The following USP3 variants were observed in gnomAD, a reference collection of about 807,000 sequenced individuals.
USP3 encodes ubiquitin specific peptidase 3.
USP3 carries 20 observed loss-of-function variants against 72.3 expected under a neutral mutation model. The ratio of observed to expected loss-of-function variants is 0.28; its 90% CI spans 0.19 to 0.40. The LOEUF (loss-of-function observed/expected upper bound fraction) is 0.40, where lower values mean the gene tolerates loss of function less well. USP3 is among the 10% of genes least tolerant of loss of function. The probability of loss-of-function intolerance (pLI) is 1.00; values close to 1 mark genes in which losing one functional copy is unlikely to be tolerated. For synonymous variants in USP3, 222 were observed against 225.3 expected, an observed-to-expected ratio of 0.99 and a Z score of 0.13; for missense variants, 479 against 633.9, an observed-to-expected ratio of 0.76 and a Z score of 2.62.
At chr15:63,535,454 G>A (rs1030523529) in intron 2 of USP3, among the ~76,000 whole-genome samples, 3 of 152,148 alleles carry the variant, frequency 2.0e-5, no homozygotes, top group African/African-American at 4.8e-5. Context: ...GTACTATTAC[G>A]TCCATTTTAC....
At chr15:63,583,362 AGCTACTGGGGAGGATT>A (rs1214792451) in intron 11 of USP3, among the ~76,000 whole-genome samples, 1 of 152,166 alleles carries the variant, frequency 6.6e-6, no homozygotes, top group Non-Finnish European at 1.5e-5. Flanking sequence ...CTGTAATCTC[AGCTACTGGGGAGGATT>A]GCTTGAGCCC....
intron 4 of USP3, 92 bp from the exon 5 acceptor site, chr15:63,556,575 A>G (rs1304126874): frequency 5.4e-6 from 5 of 923,300 alleles, no homozygotes; most frequent in Non-Finnish European, 8.0e-6. Flanking sequence ...TCCATGCCCT[A>G]GGTGTTGAGG....
chr15:63,560,126 T>G (rs552710795), intron 7 of USP3, among the ~76,000 whole-genome samples, 156 bp downstream of exon 7: 3 of 152,264 alleles, frequency 2.0e-5, no homozygotes, highest in African/African-American at 7.2e-5. Flanking sequence ...TCTTAATAAT[T>G]GTTGGAATTC....
At chr15:63,582,698 A>G (rs1367917528) in intron 11 of USP3, among the ~76,000 whole-genome samples, 1 of 152,144 alleles carries the variant, frequency 6.6e-6, no homozygotes, top group African/African-American at 2.4e-5. Context: ...GGAGGAAGAA[A>G]ATGTTGGAAA....
chr15:63,575,886 C>T (rs2066854793), intron 11 of USP3, among the ~76,000 whole-genome samples: 1 of 151,936 alleles, frequency 6.6e-6, no homozygotes, highest in African/African-American at 2.4e-5. Flanking sequence ...TAGCCTCAAA[C>T]TGTATCATTT....
intron 3 of USP3, among the ~76,000 whole-genome samples, chr15:63,547,717 C>T (rs972095983): frequency 2.0e-5 from 2 of 102,016 alleles, no homozygotes; most frequent in African/African-American, 7.6e-5. Flanking sequence ...AAGACCCTGT[C>T]TCAATAGAGA....
chr15:63,560,227 T>C (rs1595748783), intron 7 of USP3, among the ~76,000 whole-genome samples: 1 of 151,904 alleles, frequency 6.6e-6, no homozygotes, highest in Non-Finnish European at 1.5e-5. Context: ...ACCAGCCTGG[T>C]CAACATGGTG....
At chr15:63,512,402 CTTCTTCT>C (rs372627460) in intron 1 of USP3, among the ~76,000 whole-genome samples, 1,639 of 147,768 alleles carry the variant, frequency 0.011, 31 homozygotes, top group African/African-American at 0.039. Flanking sequence ...TTTCTTCCTT[CTTCTTCT>C]TTCTTCTTTC....
chr15:63,532,805 T>G, intron 2 of USP3, 98 bp downstream of exon 2: 1 of 1,303,968 alleles, frequency 7.7e-7, no homozygotes. Context: ...TTAGTACCAT[T>G]GTTAATCATA....
In USP3 at chr15:63,574,901, G is replaced by A. The variant is rs1566914203; in HGVS notation, c.1096+498G>A. ...GATTTGAACATATTTTTTGCTTGATGAGTACTAGCTACTGTAATCAAGGCA... is the reference window on the plus strand; with the variant it reads ...GATTTGAACATATTTTTTGCTTGATAAGTACTAGCTACTGTAATCAAGGCA... On this transcript the variant is annotated intron_variant, in intron 11 of 14. Coordinates refer to ENST00000380324, the MANE Select transcript of USP3 (RefSeq NM_006537.4). The surrounding 1 kb of genome is among the most constrained non-coding windows in gnomAD (Gnocchi z 4.6). Among the ~76,000 whole-genome samples, 1 of 152,156 alleles carries A rather than the reference G, an allele frequency of 6.6e-6. No individual in the cohort carries two copies. Among genetic ancestry groups the A allele is most frequent in the African/African-American group, 2.4e-5 (1 of 41,442 alleles).
intron 11 of USP3, among the ~76,000 whole-genome samples, chr15:63,580,999 G>T (rs1205470523): frequency 6.6e-6 from 1 of 151,956 alleles, no homozygotes; most frequent in African/African-American, 2.4e-5. Context: ...TAGAGATGGG[G>T]TTCACCATGT....
At chr15:63,523,039 T>G (rs2065939276) in intron 1 of USP3, among the ~76,000 whole-genome samples, 1 of 152,232 alleles carries the variant, frequency 6.6e-6, no homozygotes. Flanking sequence ...AAATGCATTT[T>G]TCCTGAAGTA....
rs1158532549 is a variant in USP3, at chr15:63,553,003, T to C, written c.285-712T>C. ...AAATGCTAATGTGAACAAGTTAAAGTTTATATTATGTGTGATTTCTTACAT... is the reference window on the plus strand; with the variant it reads ...AAATGCTAATGTGAACAAGTTAAAGCTTATATTATGTGTGATTTCTTACAT... On this transcript the variant is annotated intron_variant, in intron 3 of 14. Transcript: ENST00000380324. This position sits in a 1 kb window ranked among gnomAD's most constrained non-coding sequence, Gnocchi z 4.2. Among the ~76,000 whole-genome samples the C allele has an allele frequency of 6.6e-6, 1 of 152,198 alleles. No individual in the cohort carries two copies. The highest frequency in any genetic ancestry group is 1.5e-5 in the Non-Finnish European group (1 of 68,022).
chr15:63,590,888 T>TACTTGATACAAGATTTAATTTCA lies in USP3; in HGVS notation c.*63_*85dup. On this transcript the variant is annotated 3_prime_UTR_variant, in exon 15 of 15. Transcript: ENST00000380324. ...AGAAACATTTCCAGTTTTCCACAAA[T>TACTTGATACAAGATTTAATTTCA]ACTTGATACAAGATTTAATTTCATT... 6.7e-7 allele frequency: 1 copy of TACTTGATACAAGATTTAATTTCA among 1,496,400 alleles called. No homozygotes were observed. Among genetic ancestry groups the TACTTGATACAAGATTTAATTTCA allele is most frequent in the Non-Finnish European group, 8.9e-7 (1 of 1,117,378 alleles). 92.7% of individuals were successfully genotyped at this position (1,496,400 alleles called of 1,614,324 possible). A position where few individuals can be genotyped will look rare whatever the true frequency, so the allele number is the denominator to read the frequency against.
At chr15:63,555,293 C>T (rs539308562) in intron 4 of USP3, among the ~76,000 whole-genome samples, 1 of 151,780 alleles carries the variant, frequency 6.6e-6, no homozygotes, top group South Asian at 2.1e-4. Flanking sequence ...TTAGAAACTA[C>T]GATCATATTT....
intron 1 of USP3, among the ~76,000 whole-genome samples, chr15:63,518,037 G>A (rs1418803990): frequency 2.6e-5 from 4 of 152,022 alleles, no homozygotes; most frequent in Admixed American, 6.5e-5. Context: ...AATTTGCCAC[G>A]TTTAGTTTAG....
chr15:63,569,146 C>G (rs1168154064), intron 8 of USP3, among the ~76,000 whole-genome samples: 4 of 152,068 alleles, frequency 2.6e-5, no homozygotes, highest in African/African-American at 4.8e-5. Flanking sequence ...ATTTCAGATA[C>G]TAAAACTACT....
chr15:63,530,289 C>CCTTCCTT, intron 1 of USP3, among the ~76,000 whole-genome samples: 1 of 140,430 alleles, frequency 7.1e-6, no homozygotes, highest in Non-Finnish European at 1.5e-5. Flanking sequence ...CTCCCTCCTT[C>CCTTCCTT]CCTCCCTTCC....
At chr15:63,556,464 C>T (rs1045016025) in intron 4 of USP3, 2 of 436,178 alleles carry the variant, frequency 4.6e-6, no homozygotes, top group Non-Finnish European at 8.4e-6. Flanking sequence ...CAGCCCACCT[C>T]TGCTGGAGGA....
Sources: gnomAD v4.1 joint callset for allele counts (sites outside exome capture counted in the v4.1 genomes callset) on GRCh38, gnomAD v4.1.1 for gene constraint, Gnocchi (gnomAD v3.1) non-coding constraint, MANE v1.5 for transcripts, NCBI Gene and HGNC (gene_info 2026-07-23, HGNC 2026-07-21) for gene names.